ERLIN2: variants seen among roughly 807,000 people sequenced by gnomAD.
ERLIN2 encodes erlin-2.
In ERLIN2, 22 loss-of-function variants were observed where a neutral mutation model predicts 41.5. The observed-to-expected ratio is 0.53, with a 90% CI of 0.38 to 0.76. The LOEUF (loss-of-function observed/expected upper bound fraction) is 0.76. Ranked by LOEUF, ERLIN2 falls within the 30% of genes least tolerant of loss-of-function variation. The probability of loss-of-function intolerance (pLI) is 0.00; values close to 1 mark genes in which losing one functional copy is unlikely to be tolerated. For synonymous variants in ERLIN2, 149 were observed against 150.9 expected (o/e 0.99, Z 0.09); for missense variants, 247 against 414.3 (o/e 0.60, Z 3.51).
chr8:37,745,455 A>T, intron 6 of ERLIN2: 1 of 1,054,548 alleles, frequency 9.5e-7, no homozygotes, highest in Non-Finnish European at 1.5e-6. Context: ...GGTAACTGTT[A>T]TAACTTGTTT....
At chr8:37,749,911 C>A in intron 8 of ERLIN2, 59 bp downstream of exon 8, 1 of 1,456,238 alleles carries the variant, frequency 6.9e-7, no homozygotes, top group Non-Finnish European at 9.7e-7. Flanking sequence ...CCACCTCGTC[C>A]CATCCCAGAG....
intron 1 of ERLIN2, chr8:37,737,568 C>T (rs767689919): frequency 4.4e-5 from 15 of 339,058 alleles, no homozygotes; most frequent in Non-Finnish European, 8.5e-5. Context: ...TTCCCTACTA[C>T]TGGTAGGAAA....
rs1211546998 is a variant in ERLIN2 at position 37,757,460 on chromosome 8, ACTACTT to A, written c.*3352_*3357del. Reference sequence around the variant, plus strand: ...TGTAGACTGATGATTAAGTAGGCAAACTACTTCTACTTTCAAAGAGCCCCAAGGGCT... The same window carrying A: ...TGTAGACTGATGATTAAGTAGGCAAACTACTTTCAAAGAGCCCCAAGGGCT... On this transcript the variant is annotated 3_prime_UTR_variant, in exon 12 of 12. Transcript: ENST00000519638. 2 of 152,140 alleles carry A rather than the reference ACTACTT, an allele frequency of 1.3e-5. No homozygotes were observed. Among genetic ancestry groups the A allele is most frequent in the African/African-American group, 4.8e-5 (2 of 41,418 alleles). 9.4% of individuals were successfully genotyped at this position (152,140 alleles called of 1,614,324 possible).
chr8:37,754,147 A>C lies in ERLIN2; in HGVS notation c.*32A>C. 1 of 1,455,950 alleles carries C rather than the reference A, an allele frequency of 6.9e-7. No individual in the cohort carries two copies. 90.2% of individuals were successfully genotyped at this position (1,455,950 alleles called of 1,614,324 possible). A position where few individuals can be genotyped will look rare whatever the true frequency, so the allele number is the denominator to read the frequency against. ...CTTGATATGACTGCAAATGATACTTAAGCAGATCTTTATTTTTTAAGATGA... is the reference window on the plus strand; with the variant it reads ...CTTGATATGACTGCAAATGATACTTCAGCAGATCTTTATTTTTTAAGATGA... On this transcript the variant is annotated 3_prime_UTR_variant, in exon 12 of 12. Coordinates refer to ENST00000519638, the MANE Select transcript of ERLIN2 (RefSeq NM_007175.8).
intron 4 of ERLIN2, among the ~76,000 whole-genome samples, chr8:37,742,590 T>C (rs1262836836): frequency 1.3e-5 from 2 of 151,644 alleles, no homozygotes; most frequent in Non-Finnish European, 2.9e-5. Context: ...CACTTATAAG[T>C]GGGAACTGAA....
rs1803334807 is a variant in ERLIN2 at position 37,755,554 on chromosome 8, C to CA, written c.*1440dup. 3.5e-5 allele frequency: 1 copy of CA among 28,820 alleles called. No homozygotes were observed. The highest frequency in any genetic ancestry group is 7.1e-5 in the Non-Finnish European group (1 of 14,098). 1.8% of individuals were successfully genotyped at this position (28,820 alleles called of 1,614,324 possible). A position where few individuals can be genotyped will look rare whatever the true frequency, so the allele number is the denominator to read the frequency against. On this transcript the variant is annotated 3_prime_UTR_variant, in exon 12 of 12. Transcript: ENST00000519638. ...CTTGGCCCTGTTATGAGCTGACCCC[C>CA]ACCCCCCACCCCCCACCCCCCCCCC...
intron 6 of ERLIN2, among the ~76,000 whole-genome samples, chr8:37,748,950 C>CA (rs1341191347): frequency 6.6e-6 from 1 of 152,194 alleles, no homozygotes; most frequent in Non-Finnish European, 1.5e-5. Context: ...CCAAAGCAAA[C>CA]AGCACATCAA....
chr8:37,748,197 T>C (rs1334459135), intron 6 of ERLIN2, among the ~76,000 whole-genome samples: 1 of 152,256 alleles, frequency 6.6e-6, no homozygotes, highest in Non-Finnish European at 1.5e-5. Flanking sequence ...TTCACATTTT[T>C]CCGGTAAGCT....
rs552965642 is a variant in ERLIN2, at chr8:37,753,979, T to C, written c.884T>C (p.Ile295Thr). Reference protein sequence around the residue: ...KYKAIASNSKIYFGKDIPNMF... With the variant: ...KYKAIASNSKTYFGKDIPNMF... ...AAGGCCATTGCTTCCAACAGCAAGA[T>C]TTACTTTGGCAAAGACATTCCTAAC... Residue 295 changes from isoleucine to threonine, a missense_variant, in exon 12 of 12, where the codon ATT becomes ACT. By Grantham distance (89) the Ile-to-Thr change is moderately conservative. Coordinates refer to ENST00000519638, the MANE Select transcript of ERLIN2 (RefSeq NM_007175.8). The C allele has an allele frequency of 3.1e-6, 5 of 1,613,902 alleles. No individual in the cohort carries two copies. In the African/African-American group the frequency reaches 5.3e-5, roughly 17 times the overall value.
At chr8:37,753,785 C>T in intron 11 of ERLIN2, 130 bp from the exon 12 acceptor site, 1 of 856,934 alleles carries the variant, frequency 1.2e-6, no homozygotes, top group Non-Finnish European at 1.9e-6. Flanking sequence ...CTGTCTCTTA[C>T]AGAAATGTAA....
In ERLIN2 at chr8:37,736,659, G is replaced by A. The variant is rs1802651396; in HGVS notation, c.-35G>A. 2.0e-6 allele frequency: 2 copies of A among 985,584 alleles called. No individual in the cohort carries two copies. Among genetic ancestry groups the A allele is most frequent in the Non-Finnish European group, 1.2e-6 (1 of 830,076 alleles). 61.1% of individuals were successfully genotyped at this position (985,584 alleles called of 1,614,324 possible). ...GCTCGTGGGCTCGGACGAGTACGGA[G>A]CGCCTGCAGGGACAGCCTGGTACGC... On this transcript the variant is annotated 5_prime_UTR_variant, in exon 1 of 12. Transcript: ENST00000519638.
chr8:37,756,846 T>A lies in ERLIN2; in HGVS notation c.*2731T>A, dbSNP rs1388432644. On this transcript the variant is annotated 3_prime_UTR_variant, in exon 12 of 12. Coordinates refer to ENST00000519638, the MANE Select transcript of ERLIN2 (RefSeq NM_007175.8). ...CAAAATAAGTAACTGTTTATAAAATTCAGTTTTTGTAGGGTTTTCCAAGGA... is the reference window on the plus strand; with the variant it reads ...CAAAATAAGTAACTGTTTATAAAATACAGTTTTTGTAGGGTTTTCCAAGGA... 6.6e-6 allele frequency: 1 copy of A among 152,666 alleles called. No individual in the cohort carries two copies. The highest frequency in any genetic ancestry group is 1.5e-5 in the Non-Finnish European group (1 of 68,044). The allele number at this position is 152,666 out of a possible 1,614,324, so 9.5% of individuals were successfully genotyped here.
rs756167149 is a variant in ERLIN2, at chr8:37,747,485, C to G, written c.425-2074C>G. 6 of 1,612,274 alleles carry G rather than the reference C, an allele frequency of 3.7e-6. No individual in the cohort carries two copies. The Admixed American group carries it at 1.0e-4, about 27-fold the overall frequency. On this transcript the variant is annotated intron_variant, in intron 6 of 11. Transcript: ENST00000519638. ...GCATTCTGTGCATACGAGTCAGCAA[C>G]TTCCCTAGCCTCAATCTCCTCTTCC...
chr8:37,755,594 A>ACCCCC lies in ERLIN2; in HGVS notation c.*1482_*1483insCCCCC. On this transcript the variant is annotated 3_prime_UTR_variant, in exon 12 of 12. Coordinates refer to ENST00000519638, the MANE Select transcript of ERLIN2 (RefSeq NM_007175.8). Reference sequence around the variant, plus strand: ...ACCCCCCCCCCCCGCCAACTCCTATACCCATCTTCCCTAGGTGAATCTGTG... The same window carrying ACCCCC: ...ACCCCCCCCCCCCGCCAACTCCTATACCCCCCCCATCTTCCCTAGGTGAATCTGTG... 3.4e-5 allele frequency: 1 copy of ACCCCC among 29,380 alleles called. No individual in the cohort carries two copies. The highest frequency in any genetic ancestry group is 6.8e-5 in the Non-Finnish European group (1 of 14,608). 1.8% of individuals were successfully genotyped at this position (29,380 alleles called of 1,614,324 possible).
chr8:37,745,858 A>G (rs1585909326), intron 6 of ERLIN2: 1 of 1,314,394 alleles, frequency 7.6e-7, no homozygotes, highest in Non-Finnish European at 9.7e-7. Flanking sequence ...TTTTAACCTC[A>G]AACTAATAGA....
At chr8:37,751,784 C>A in intron 10 of ERLIN2, 69 bp downstream of exon 10, 1 of 1,198,018 alleles carries the variant, frequency 8.3e-7, no homozygotes, top group Non-Finnish European at 1.2e-6. Flanking sequence ...GGTTGGGGAG[C>A]CATTGCCTTT....
At position 37,745,523 on chromosome 8, in the gene ERLIN2, A is replaced by C. The variant is rs1437194746; in HGVS notation, c.424+827A>C. The C allele has an allele frequency of 4.4e-6, 7 of 1,600,938 alleles. 1 individual carries two copies. The South Asian group carries it at 6.6e-5, about 15-fold the overall frequency. On this transcript the variant is annotated intron_variant, in intron 6 of 11. Coordinates refer to ENST00000519638, the MANE Select transcript of ERLIN2 (RefSeq NM_007175.8). ...GAAATTCTCTAATAGCCAATGCCAA[A>C]AGTAAATGAATTTTTAACCAATAGT... is the stretch of plus-strand genomic sequence containing the variant.
intron 2 of ERLIN2, 99 bp from the exon 3 acceptor site, chr8:37,740,266 T>A: frequency 1.2e-6 from 1 of 807,498 alleles, no homozygotes; most frequent in Non-Finnish European, 2.2e-6. Context: ...CTCTATTATA[T>A]GTTTATAGGG....
Position 37,758,126 on chromosome 8 carries a change from T to G in ERLIN2, c.*4011T>G, listed in dbSNP as rs1228012084. ...ATTTGTTGCTTATGTGTAATTCATATTTAACTGGGTATCCTGTATTTTTAC... is the reference window on the plus strand; with the variant it reads ...ATTTGTTGCTTATGTGTAATTCATAGTTAACTGGGTATCCTGTATTTTTAC... On this transcript the variant is annotated 3_prime_UTR_variant, in exon 12 of 12. Transcript: ENST00000519638. The G allele has an allele frequency of 1.3e-5, 2 of 152,232 alleles. No individual in the cohort carries two copies. Among genetic ancestry groups the G allele is most frequent in the Non-Finnish European group, 2.9e-5 (2 of 68,032 alleles). 9.4% of individuals were successfully genotyped at this position (152,232 alleles called of 1,614,324 possible).
Sources: gnomAD v4.1 joint callset for allele counts (sites outside exome capture counted in the v4.1 genomes callset) on GRCh38, gnomAD v4.1.1 for gene constraint, MANE v1.5 for transcripts, NCBI Gene and HGNC (gene_info 2026-07-23, HGNC 2026-07-21) for gene names.